SOX6: variants seen among roughly 807,000 people sequenced by gnomAD.
SOX6 encodes transcription factor SOX-6.
In SOX6, 11 loss-of-function variants were observed where a neutral mutation model predicts 97.8. The ratio of observed to expected loss-of-function variants is 0.11; its 90% CI spans 0.07 to 0.19. The LOEUF (loss-of-function observed/expected upper bound fraction) is 0.19, where lower values mean the gene tolerates loss of function less well. SOX6 is among the 10% of genes least tolerant of loss of function. The pLI is 1.00. For missense variants in SOX6, 810 were observed against 1,039.5 expected, an observed-to-expected ratio of 0.78 and a Z score of 3.04; for synonymous variants, 360 against 371.4, an observed-to-expected ratio of 0.97 and a Z score of 0.35.
chr11:16,591,366 G>A (rs1014351969), intron 4 of SOX6, among the ~76,000 whole-genome samples: 66 of 142,016 alleles, frequency 4.6e-4, no homozygotes, highest in Admixed American at 1.5e-3. Context: ...TAGATAGATA[G>A]ATAGATAGAT....
At chr11:16,498,611 A>T (rs1295684514) in intron 4 of SOX6, among the ~76,000 whole-genome samples, 1 of 152,180 alleles carries the variant, frequency 6.6e-6, no homozygotes, top group South Asian at 2.1e-4. Flanking sequence ...GGGATGGAGG[A>T]AGATCTACCA....
At chr11:16,233,732 C>T (rs1244423503) in intron 4 of SOX6, among the ~76,000 whole-genome samples, 4 of 151,848 alleles carry the variant, frequency 2.6e-5, no homozygotes, top group African/African-American at 4.8e-5. Context: ...AAAACAGGCC[C>T]GGTGCGGTGA....
At chr11:16,705,947 G>T (rs556343746) in intron 3 of SOX6, among the ~76,000 whole-genome samples, 1 of 137,902 alleles carries the variant, frequency 7.3e-6, no homozygotes, top group South Asian at 2.6e-4. Context: ...ATGACACATA[G>T]AAAACAAATA....
At chr11:16,011,456 T>G (rs1854723567) in intron 13 of SOX6, among the ~76,000 whole-genome samples, 1 of 152,070 alleles carries the variant, frequency 6.6e-6, no homozygotes, top group Non-Finnish European at 1.5e-5. Flanking sequence ...AAAAATAAAA[T>G]TTTGAAGGCA....
chr11:16,008,956 C>A (rs1854635940), intron 13 of SOX6, among the ~76,000 whole-genome samples: 1 of 152,074 alleles, frequency 6.6e-6, no homozygotes, highest in Admixed American at 6.6e-5. Context: ...TGGCCTCAGT[C>A]ACCAGTCTGC....
At chr11:16,112,413 T>A (rs1377758418) in intron 6 of SOX6, among the ~76,000 whole-genome samples, 1 of 152,156 alleles carries the variant, frequency 6.6e-6, no homozygotes. Context: ...TTTCAAAGCC[T>A]CATGCATTAT....
intron 2 of SOX6, among the ~76,000 whole-genome samples, chr11:16,734,567 T>C (rs1244126182): frequency 6.6e-6 from 1 of 152,196 alleles, no homozygotes; most frequent in East Asian, 1.9e-4. Context: ...GTTACTCTCC[T>C]TGTTGACCCA....
At chr11:16,322,965 C>T (rs1270291221) in intron 2 of SOX6, among the ~76,000 whole-genome samples, 3 of 152,132 alleles carry the variant, frequency 2.0e-5, no homozygotes, top group East Asian at 1.9e-4. Context: ...CGACTAAACA[C>T]ATGAACATCA....
chr11:16,167,943 T>C lies in SOX6; in HGVS notation c.777+15943A>G, dbSNP rs1425425959. Among the ~76,000 whole-genome samples, 11 of 152,278 alleles carry C rather than the reference T, an allele frequency of 7.2e-5. No individual in the cohort carries two copies. In the East Asian group the frequency reaches 1.9e-3, roughly 27 times the overall value. ...TTAGCAGAGCAGGGATTTTTGTAGA[T>C]TGCCATATCCTCAAAGACCAAAGGA... is the stretch of plus-strand genomic sequence containing the variant. On this transcript the variant is annotated intron_variant, in intron 6 of 15. Transcript: ENST00000683767.
chr11:16,305,006 T>A (rs1178706509), intron 3 of SOX6, among the ~76,000 whole-genome samples: 1 of 151,834 alleles, frequency 6.6e-6, no homozygotes, highest in Admixed American at 6.6e-5. Flanking sequence ...GAATCTAGGG[T>A]TAGGCAAAGT....
chr11:16,573,482 G>A (rs1236213025), intron 4 of SOX6, among the ~76,000 whole-genome samples: 1 of 152,206 alleles, frequency 6.6e-6, no homozygotes, highest in Non-Finnish European at 1.5e-5. Flanking sequence ...CATTATTTCA[G>A]AAGTCACATC....
rs528765368 is a variant in SOX6, at chr11:16,545,063, T to A, written n.609+67018A>T. Among the ~76,000 whole-genome samples, 6 of 152,012 alleles carry A rather than the reference T, an allele frequency of 3.9e-5. No individual in the cohort carries two copies. In the South Asian group the frequency reaches 8.3e-4, roughly 21 times the overall value. ...GAGAGCAAGACCCCATATCATTTTT[T>A]AAAAACTCATAGAGAGGAAGAAAAT... On this transcript the variant is annotated intron_variant and non_coding_transcript_variant, in intron 4 of 5. Coordinates refer to the SOX6 transcript ENST00000524520.
At chr11:16,051,453 T>G (rs532186054) in intron 10 of SOX6, among the ~76,000 whole-genome samples, 2 of 152,264 alleles carry the variant, frequency 1.3e-5, no homozygotes, top group East Asian at 1.9e-4. Context: ...ACAGATTTTT[T>G]TGTGTGTGTT....
chr11:16,429,122 G>A (rs1331514074), intron 1 of SOX6, among the ~76,000 whole-genome samples: 1 of 152,158 alleles, frequency 6.6e-6, no homozygotes, highest in Non-Finnish European at 1.5e-5. Context: ...AAACCACAAT[G>A]AGATACCATC....
intron 2 of SOX6, 117 bp downstream of exon 2, chr11:16,340,895 T>A: frequency 7.0e-7 from 1 of 1,420,832 alleles, no homozygotes; most frequent in African/African-American, 1.5e-5. Flanking sequence ...CTGGTAGTTG[T>A]TTCATGATCT....
chr11:16,321,131 A>T (rs2134306843), intron 2 of SOX6, among the ~76,000 whole-genome samples: 1 of 152,272 alleles, frequency 6.6e-6, no homozygotes, highest in South Asian at 2.1e-4. Flanking sequence ...TATTTGTCAA[A>T]GCCATTTAAA....
chr11:16,043,396 C>T (rs748584187), intron 12 of SOX6, among the ~76,000 whole-genome samples: 1 of 152,028 alleles, frequency 6.6e-6, no homozygotes, highest in Non-Finnish European at 1.5e-5. Context: ...GTCTATTGTC[C>T]CTACAATGTA....
chr11:16,154,710 G>C (rs779965326), intron 6 of SOX6, among the ~76,000 whole-genome samples: 3 of 152,014 alleles, frequency 2.0e-5, no homozygotes, highest in Non-Finnish European at 2.9e-5. Context: ...AAGAATTATT[G>C]TAATATACAC....
chr11:16,241,964 A>G (rs969948379), intron 3 of SOX6, among the ~76,000 whole-genome samples: 7 of 152,062 alleles, frequency 4.6e-5, no homozygotes, highest in African/African-American at 1.7e-4. Flanking sequence ...GTAAGCCAAT[A>G]CATTCCTATT....
Sources: gnomAD v4.1 joint callset for allele counts (sites outside exome capture counted in the v4.1 genomes callset) on GRCh38, gnomAD v4.1.1 for gene constraint, MANE v1.5 for transcripts, NCBI Gene and HGNC (gene_info 2026-07-23, HGNC 2026-07-21) for gene names.